The following BDP1 variants were observed in gnomAD, a reference collection of about 807,000 sequenced individuals.
BDP1 encodes the protein transcription factor TFIIIB component B'' homolog.
BDP1 carries 169 observed loss-of-function variants against 266.6 expected under a neutral mutation model. The observed-to-expected ratio is 0.63, with a 90% confidence interval of 0.56 to 0.72. The LOEUF (loss-of-function observed/expected upper bound fraction) is 0.72, where lower values mean the gene tolerates loss of function less well. BDP1 is among the 30% of genes least tolerant of loss of function. BDP1 has a pLI of 0.00. For synonymous variants in BDP1, 1,090 were observed against 1,022.4 expected (o/e 1.07, Z -1.26); for missense variants, 3,015 against 3,053.8 (o/e 0.99, Z 0.30).
intron 12 of BDP1, 89 bp from the exon 13 acceptor site, chr5:71,497,181 G>C: frequency 2.5e-6 from 3 of 1,203,058 alleles, no homozygotes; most frequent in Non-Finnish European, 3.5e-6. Flanking sequence ...TCTTAAAGGA[G>C]TTCTTCCTAA....
intron 25 of BDP1, among the ~76,000 whole-genome samples, chr5:71,530,216 A>T (rs1323235295): frequency 6.6e-6 from 1 of 151,562 alleles, no homozygotes; most frequent in East Asian, 1.9e-4. Context: ...TTTTTGTTAC[A>T]TTTATTTATT....
intron 7 of BDP1, among the ~76,000 whole-genome samples, chr5:71,475,255 A>G (rs1041803928): frequency 6.6e-6 from 1 of 152,074 alleles, no homozygotes; most frequent in Non-Finnish European, 1.5e-5. Flanking sequence ...CTACAGGCAC[A>G]TGCCACTATG....
intron 24 of BDP1, 53 bp downstream of exon 24, chr5:71,523,002 C>CTTT: frequency 6.8e-7 from 1 of 1,468,716 alleles, no homozygotes; most frequent in Non-Finnish European, 9.1e-7. Context: ...AATCACTTAA[C>CTTT]TTTTACCTTA....
intron 37 of BDP1, among the ~76,000 whole-genome samples, chr5:71,561,165 G>T (rs1377276546): frequency 1.3e-5 from 2 of 151,842 alleles, no homozygotes; most frequent in Non-Finnish European, 1.5e-5. Flanking sequence ...ACTTTGGGAG[G>T]CTGAGGTGGG....
intron 6 of BDP1, among the ~76,000 whole-genome samples, chr5:71,469,144 A>G (rs964011853): frequency 2.4e-4 from 37 of 151,284 alleles, no homozygotes; most frequent in African/African-American, 8.8e-4. Flanking sequence ...TTCTGTTAGT[A>G]GTTTCTTTTT....
chr5:71,481,545 A>G (rs1037295271), intron 7 of BDP1, among the ~76,000 whole-genome samples: 7 of 151,964 alleles, frequency 4.6e-5, no homozygotes, highest in Non-Finnish European at 7.4e-5. Flanking sequence ...AGACATCAAG[A>G]CTCTGTTTCA....
At chr5:71,481,044 T>G (rs1020940236) in intron 7 of BDP1, among the ~76,000 whole-genome samples, 7 of 151,186 alleles carry the variant, frequency 4.6e-5, no homozygotes, top group Admixed American at 6.6e-5. Context: ...CGTGGTGGCG[T>G]GCGCCTGTAG....
chr5:71,574,264 C>T, the BDP1 span, among the ~76,000 whole-genome samples: 1 of 152,184 alleles, frequency 6.6e-6, no homozygotes, highest in African/African-American at 2.4e-5. Flanking sequence ...AGTTCCTCCC[C>T]CAGCAGAAAA....
rs1396159496 is a variant in BDP1 at position 71,522,889 on chromosome 5, CTG to C, written c.5329_5330del (p.Val1777ArgfsTer3). On this transcript the variant is annotated frameshift_variant, in exon 24 of 39. Transcript: ENST00000358731. LOFTEE classifies it high-confidence loss of function. ...CCATCAAGAAGGGTTGGAGAGGAAA[CTG>C]TAGGAGATAATTCACCATCTTCAGT... The C allele has an allele frequency of 1.2e-6, 2 of 1,611,426 alleles. No individual in the cohort carries two copies. Among genetic ancestry groups the C allele is most frequent in the East Asian group, 2.2e-5 (1 of 44,784 alleles).
intron 25 of BDP1, among the ~76,000 whole-genome samples, chr5:71,524,729 A>G (rs1477113049): frequency 6.7e-6 from 1 of 149,674 alleles, no homozygotes; most frequent in Non-Finnish European, 1.5e-5. Flanking sequence ...GAAGGTCAGC[A>G]GATAAACAAG....
At position 71,513,315 on chromosome 5, in the gene BDP1, T is replaced by A. The variant is rs776874480; in HGVS notation, c.4378T>A (p.Tyr1460Asn). ...LKRETTESEK[Y>N]IYEKKSETKK... is the part of the protein sequence containing the mutation. ...GAGAGAGACTACAGAATCAGAAAAA[T>A]ATATATATGAGAAGAAATCAGAAAC... Residue 1460 changes from tyrosine (Y) to asparagine (N), a missense_variant, in exon 19 of 39, where the codon TAT becomes AAT. Physicochemically the swap from Tyr to Asn is moderately radical, Grantham distance 143. This residue lies in a region of BDP1 where 2,383 missense variants were observed against 2,404.9 expected (regional missense o/e 0.99). Coordinates refer to ENST00000358731, the MANE Select transcript of BDP1 (RefSeq NM_018429.3). 6 of 1,608,416 alleles carry A rather than the reference T, an allele frequency of 3.7e-6. No individual in the cohort carries two copies. Among genetic ancestry groups the A allele is most frequent in the East Asian group, 4.5e-5 (2 of 44,814 alleles).
At position 71,510,352 on chromosome 5, in the gene BDP1, T is replaced by C. The variant is rs570179947; in HGVS notation, c.3260T>C (p.Ile1087Thr). 1 of 1,610,886 alleles carries C rather than the reference T, an allele frequency of 6.2e-7. No homozygotes were observed. The highest frequency in any genetic ancestry group is 8.5e-7 in the Non-Finnish European group (1 of 1,179,394). ...TPEVIDAIEE[I>T]EIDLEETERE... ...GAGGTGATTGATGCCATTGAGGAAA[T>C]AGAGATAGATTTGGAAGAAACTGAA... Residue 1087 changes from isoleucine to threonine, a missense_variant, in exon 17 of 39, where the codon ATA (isoleucine) becomes ACA (threonine). Around this residue, in one of 3 missense-constraint regions of BDP1, gnomAD observed 2,383 missense variants for 2,404.9 expected, o/e 0.99. Transcript: ENST00000358731.
chr5:71,499,613 C>T (rs1176281255), intron 13 of BDP1, among the ~76,000 whole-genome samples: 3 of 152,068 alleles, frequency 2.0e-5, no homozygotes, highest in Admixed American at 2.0e-4. Context: ...GAGCGAAACT[C>T]TGTCTCAAAA....
intron 1 of BDP1, among the ~76,000 whole-genome samples, chr5:71,456,386 T>G (rs755229868): frequency 6.6e-6 from 1 of 152,236 alleles, no homozygotes; most frequent in Non-Finnish European, 1.5e-5. Context: ...ACTATTCATT[T>G]GAGAATTTAG....
downstream of BDP1, among the ~76,000 whole-genome samples, chr5:71,570,832 AAAG>A (rs1417524671): frequency 2.0e-5 from 3 of 151,988 alleles, no homozygotes; most frequent in African/African-American, 7.3e-5. Flanking sequence ...CCAAGACTTT[AAAG>A]AAAAGAGTGT....
In BDP1 at chr5:71,480,441, TA is replaced by T. The variant is rs1762882275; in HGVS notation, c.1015-3400del. Among the ~76,000 whole-genome samples, 3 of 151,928 alleles carry T rather than the reference TA, an allele frequency of 2.0e-5. No individual in the cohort carries two copies. In the South Asian group the frequency reaches 6.2e-4, roughly 32 times the overall value. The stretch of plus-strand genomic sequence containing the variant: ...GAGCCACCGTGCCCAGCCTAATTTT[TA>T]TATTTTTAGTAGAGGTGGGGTTTCA... On this transcript the variant is annotated intron_variant, in intron 7 of 38. Coordinates refer to ENST00000358731, the MANE Select transcript of BDP1 (RefSeq NM_018429.3).
intron 13 of BDP1, among the ~76,000 whole-genome samples, chr5:71,500,453 G>A (rs893082987): frequency 6.6e-6 from 1 of 151,316 alleles, no homozygotes; most frequent in South Asian, 2.1e-4. Flanking sequence ...AGCCTCCTGA[G>A]TGGCTGGGAT....
In BDP1 at chr5:71,545,084, A is replaced by G; in HGVS notation, c.6609A>G (p.Ser2203=). The change falls in exon 32 of 39, where the codon TCA becomes TCG. Residue 2203 remains serine (S), a synonymous_variant. Coordinates refer to ENST00000358731, the MANE Select transcript of BDP1 (RefSeq NM_018429.3). ...EESSQEVHML[S]VAPVASSETG... ...GCTCTCAGGAGGTTCACATGTTGTC[A>G]GTTGCTCCAGTTGCTTCCTCTGAGA... The G allele has an allele frequency of 1.2e-6, 2 of 1,613,634 alleles. No individual in the cohort carries two copies. Among genetic ancestry groups the G allele is most frequent in the Non-Finnish European group, 1.7e-6 (2 of 1,179,808 alleles).
At chr5:71,456,233 A>G (rs1173554612) in intron 1 of BDP1, 144 bp downstream of exon 1, 1 of 764,290 alleles carries the variant, frequency 1.3e-6, no homozygotes, top group Admixed American at 2.9e-5. Context: ...AACCACTCCA[A>G]ACTGCAGTTT....
Sources: allele counts gnomAD v4.1 joint callset (sites outside exome capture counted in the v4.1 genomes callset), GRCh38; gene constraint gnomAD v4.1.1; regional missense constraint gnomAD v4.1.1; transcripts MANE v1.5; gene names NCBI Gene and HGNC (gene_info 2026-07-23, HGNC 2026-07-21).